Variants in PLD1 observed in about 807,000 individuals in gnomAD.
PLD1 encodes the protein phospholipase D1.
Under a neutral mutation model 137.1 loss-of-function variants are expected in PLD1, and 112 were observed. The observed-to-expected ratio is 0.82, with a 90% CI of 0.70 to 0.96. The LOEUF is 0.96. Ranked by LOEUF, PLD1 falls within the 40% of genes least tolerant of loss-of-function variation. PLD1 has a pLI of 0.00. For missense variants in PLD1, 1,321 were observed against 1,342.0 expected (o/e 0.98, Z 0.24); for synonymous variants, 431 against 454.7 (o/e 0.95, Z 0.66).
chr3:171,703,539 T>C (rs2108550128), intron 11 of PLD1, among the ~76,000 whole-genome samples: 1 of 152,256 alleles, frequency 6.6e-6, no homozygotes, highest in Admixed American at 6.5e-5. Context: ...TAGTTCTGTA[T>C]GGAAAATGAA....
At chr3:171,618,720 ATGTGTG>A (rs199668732) in intron 24 of PLD1, among the ~76,000 whole-genome samples, 4,922 of 140,710 alleles carry the variant, frequency 0.035, 190 homozygotes, top group African/African-American at 0.091. Context: ...AAAAGTGTGT[ATGTGTG>A]TGTGTGTGTG....
Position 171,724,731 on chromosome 3 carries a change from A to T in PLD1, c.723T>A (p.Cys241Ter). 1.2e-6 allele frequency: 2 copies of T among 1,611,118 alleles called. No individual in the cohort carries two copies. Among genetic ancestry groups the T allele is most frequent in the Non-Finnish European group, 1.7e-6 (2 of 1,177,768 alleles). Residue 241 changes from cysteine (C) to a stop codon, truncating the protein, a stop_gained, in exon 8 of 27, where the codon TGT becomes TGA. Transcript: ENST00000351298. LOFTEE classifies it high-confidence loss of function. Reference protein sequence around the residue: ...GGHRIPGLNCCGQGRACYRWS... With the variant: ...GGHRIPGLNC ...ATCTGTAGCAGGCTCTTCCCTGACC[A>T]CAGCAATTCAAGCCTGGTATTCTGT...
intron 15 of PLD1, 33 bp from the exon 16 acceptor site, chr3:171,686,831 T>A: frequency 9.2e-7 from 1 of 1,083,306 alleles, no homozygotes. Flanking sequence ...TACAAAAAAA[T>A]ACAAATATCA....
intron 23 of PLD1, among the ~76,000 whole-genome samples, chr3:171,641,315 A>G (rs1735721196): frequency 6.6e-6 from 1 of 152,182 alleles, no homozygotes; most frequent in Non-Finnish European, 1.5e-5. Context: ...CATCCAAAGA[A>G]GTTGATTGTG....
At chr3:171,769,411 T>C (rs1722192482) in intron 1 of PLD1, among the ~76,000 whole-genome samples, 2 of 152,236 alleles carry the variant, frequency 1.3e-5, no homozygotes, top group Non-Finnish European at 2.9e-5. Context: ...GGTGGACAAG[T>C]CGTTCCTTAA....
At chr3:171,651,257 G>A (rs1044546324) in intron 21 of PLD1, among the ~76,000 whole-genome samples, 10 of 152,062 alleles carry the variant, frequency 6.6e-5, no homozygotes, top group Admixed American at 1.3e-4. Context: ...GCTATAAATC[G>A]TCTCGTTGTA....
chr3:171,712,644 A>AT (rs1717354221), intron 9 of PLD1, among the ~76,000 whole-genome samples: 1 of 152,150 alleles, frequency 6.6e-6, no homozygotes, highest in Non-Finnish European at 1.5e-5. Context: ...TGATAAAATC[A>AT]TGGGGGGGAT....
chr3:171,700,722 A>G (rs761218663), intron 11 of PLD1, among the ~76,000 whole-genome samples: 1 of 152,194 alleles, frequency 6.6e-6, no homozygotes. Flanking sequence ...CTTTCTGGAC[A>G]GGGGAGAAGG....
chr3:171,630,245 C>CA (rs1246428953), intron 23 of PLD1, among the ~76,000 whole-genome samples: 7 of 151,006 alleles, frequency 4.6e-5, no homozygotes, highest in African/African-American at 1.7e-4. Flanking sequence ...TTTATGCAGC[C>CA]AAAAAACACA....
intron 7 of PLD1, among the ~76,000 whole-genome samples, chr3:171,725,535 C>T (rs977112859): frequency 6.6e-6 from 1 of 152,196 alleles, no homozygotes; most frequent in African/African-American, 2.4e-5. Context: ...TAACAATGCT[C>T]TTAACTAGAA....
rs548089540 is a variant in PLD1, at chr3:171,716,464, T to A, written c.759-2419A>T. 2.2e-4 allele frequency among the ~76,000 whole-genome samples: 34 copies of A among 152,340 alleles called. No homozygotes were observed. In the South Asian group the frequency reaches 6.8e-3, roughly 31 times the overall value. On this transcript the variant is annotated intron_variant, in intron 8 of 26. Transcript: ENST00000351298. ...GGTGTGAGATGATATCTCATTGTGGTTTTGATTTGCATTTCTCTAATGATC... is the reference window on the plus strand; with the variant it reads ...GGTGTGAGATGATATCTCATTGTGGATTTGATTTGCATTTCTCTAATGATC...
At chr3:171,613,935 A>G (rs6798359) in intron 24 of PLD1, among the ~76,000 whole-genome samples, 4,512 of 152,118 alleles carry the variant, frequency 0.03, 158 homozygotes, top group African/African-American at 0.084. Context: ...CAACAACTCC[A>G]CTGCTTCTTC....
In PLD1 at chr3:171,680,066, C is replaced by T. The variant is rs556215556; in HGVS notation, c.1868-2372G>A. ...TTTATGAGAAGGGGGACTTCTTGTT[C>T]CTTGCCTGGTGTCCTCTGGTCGTGC... is the stretch of plus-strand genomic sequence containing the variant. On this transcript the variant is annotated intron_variant, in intron 16 of 26. Coordinates refer to ENST00000351298, the MANE Select transcript of PLD1 (RefSeq NM_002662.5). Among the ~76,000 whole-genome samples, 7 of 152,126 alleles carry T rather than the reference C, an allele frequency of 4.6e-5. No individual in the cohort carries two copies. In the East Asian group the frequency reaches 1.4e-3, roughly 30 times the overall value.
chr3:171,764,899 GGA>G (rs1721784417), intron 1 of PLD1, among the ~76,000 whole-genome samples: 1 of 24,772 alleles, frequency 4.0e-5, no homozygotes, highest in Non-Finnish European at 8.1e-5. Context: ...AAGAAAGGAA[GGA>G]AGGAAGGAAG....
At chr3:171,605,198 A>G in intron 26 of PLD1, 101 bp downstream of exon 26, 1 of 774,434 alleles carries the variant, frequency 1.3e-6, no homozygotes, top group South Asian at 1.5e-5. Context: ...TTTTACGTTT[A>G]TTAAGAATAC....
At chr3:171,620,756 ATATATATATATATTATATATATT>A (rs1733549375) in intron 23 of PLD1, among the ~76,000 whole-genome samples, 1 of 138,296 alleles carries the variant, frequency 7.2e-6, no homozygotes, top group Non-Finnish European at 1.5e-5. Flanking sequence ...ATATATATAT[ATATATATATATATTATATATATT>A]TTTTTTTTAA....
intron 1 of PLD1, among the ~76,000 whole-genome samples, chr3:171,801,799 G>A (rs1238236145): frequency 6.6e-6 from 1 of 152,042 alleles, no homozygotes; most frequent in Admixed American, 6.5e-5. Context: ...AACCACCCCG[G>A]TAGAACTCAA....
At position 171,612,527 on chromosome 3, in the gene PLD1, G is replaced by A. The variant is rs145747497; in HGVS notation, c.2729-95C>T. The A allele has an allele frequency of 1.6e-4, 199 of 1,218,842 alleles. No individual in the cohort carries two copies. In the African/African-American group the frequency reaches 2.0e-3, roughly 12 times the overall value. 75.5% of individuals were successfully genotyped at this position (1,218,842 alleles called of 1,614,324 possible). A position where few individuals can be genotyped will look rare whatever the true frequency, so the allele number is the denominator to read the frequency against. ...TCAATTCATCCTTGCAAACAAAACC[G>A]TAATTTTGTCCAGGTTTTCAAGGGA... On this transcript the variant is annotated intron_variant, in intron 24 of 26. Transcript: ENST00000351298. The surrounding 1 kb of genome is among the most constrained non-coding windows in gnomAD (Gnocchi z 4.1).
At chr3:171,711,301 G>T (rs1224051886) in intron 9 of PLD1, among the ~76,000 whole-genome samples, 2 of 150,856 alleles carry the variant, frequency 1.3e-5, no homozygotes, top group African/African-American at 4.9e-5. Context: ...CTCCTAAGTA[G>T]CTGGGACTAC....
Sources: allele counts gnomAD v4.1 joint callset (sites outside exome capture counted in the v4.1 genomes callset), GRCh38; gene constraint gnomAD v4.1.1; non-coding constraint Gnocchi (gnomAD v3.1); transcripts MANE v1.5; gene names NCBI Gene and HGNC (gene_info 2026-07-23, HGNC 2026-07-21).